The following SCAPER variants were observed in gnomAD, a reference collection of about 807,000 sequenced individuals.
SCAPER encodes the protein S-phase cyclin A associated protein in the ER, also known as S phase cyclin A-associated protein in the endoplasmic reticulum.
SCAPER carries 98 observed loss-of-function variants against 182.2 expected under a neutral mutation model. The observed-to-expected ratio is 0.54, with a 90% CI of 0.46 to 0.64. The LOEUF is 0.64. Among genes scored for constraint, SCAPER ranks in the 30% least tolerant of loss-of-function variants. SCAPER has a pLI of 0.00. For missense variants in SCAPER, 1,432 were observed against 1,690.0 expected (o/e 0.85, Z 2.68); for synonymous variants, 605 against 564.6 (o/e 1.07, Z -1.01).
chr15:76,774,832 A>G, intron 9 of SCAPER, 23 bp downstream of exon 9: 1 of 1,591,176 alleles, frequency 6.3e-7, no homozygotes. Flanking sequence ...AAAGACAGTA[A>G]AAGGATTTTC....
At chr15:76,383,398 A>T (rs1424578634) in intron 27 of SCAPER, among the ~76,000 whole-genome samples, 3 of 152,150 alleles carry the variant, frequency 2.0e-5, no homozygotes, top group Admixed American at 6.5e-5. Flanking sequence ...AAGCAGTTTT[A>T]TTCATAACCA....
At chr15:76,712,625 T>C (rs1329652859) in intron 17 of SCAPER, among the ~76,000 whole-genome samples, 1 of 152,152 alleles carries the variant, frequency 6.6e-6, no homozygotes, top group African/African-American at 2.4e-5. Flanking sequence ...GAGCAGTGGT[T>C]TGCAGTTCTC....
At chr15:76,811,780 C>T (rs769810408) in intron 5 of SCAPER, among the ~76,000 whole-genome samples, 2 of 150,364 alleles carry the variant, frequency 1.3e-5, no homozygotes, top group African/African-American at 2.4e-5. Context: ...AAGAGTGAAA[C>T]TCTGCCTCAA....
At chr15:76,358,726 A>G (rs765834080) in intron 29 of SCAPER, among the ~76,000 whole-genome samples, 1 of 152,236 alleles carries the variant, frequency 6.6e-6, no homozygotes, top group Non-Finnish European at 1.5e-5. Context: ...GGGCTTTAAC[A>G]TATGAATTCT....
chr15:76,896,668 T>C (rs1367350942), intron 1 of SCAPER, among the ~76,000 whole-genome samples: 2 of 151,750 alleles, frequency 1.3e-5, no homozygotes, highest in African/African-American at 4.8e-5. Flanking sequence ...CCTATAATCC[T>C]AGCACTTTGG....
rs150108368 is a variant in SCAPER, at chr15:76,705,935, T to C, written c.2215A>G (p.Met739Val). ...TGAATTTTTTTCTGTAACTCTTCCA[T>C]AGCTTCTTGTTGAGCAGCTGTGAGT... Reference protein sequence around the residue: ...AALTAAQQEAMEELQKKIQLK... With the variant: ...AALTAAQQEAVEELQKKIQLK... Residue 739 changes from methionine to valine, a missense_variant, in exon 18 of 32, where the codon ATG becomes GTG. Met to Val is a conservative substitution (Grantham distance 21). This residue lies in a region of SCAPER where 718 missense variants were observed against 799.7 expected (regional missense o/e 0.90). Transcript: ENST00000563290. The C allele has an allele frequency of 1.0e-4, 163 of 1,563,950 alleles. No individual in the cohort carries two copies. The highest frequency in any genetic ancestry group is 1.4e-4 in the African/African-American group (10 of 74,048).
At chr15:76,812,607 A>G (rs2066722621) in intron 5 of SCAPER, among the ~76,000 whole-genome samples, 1 of 152,104 alleles carries the variant, frequency 6.6e-6, no homozygotes, top group South Asian at 2.1e-4. Flanking sequence ...CGGAAACATA[A>G]AGAGGGACAA....
At chr15:76,818,762 C>T (rs1243940873) in intron 5 of SCAPER, among the ~76,000 whole-genome samples, 1 of 152,224 alleles carries the variant, frequency 6.6e-6, no homozygotes, top group Non-Finnish European at 1.5e-5. Flanking sequence ...GTGCAGCGCA[C>T]CGTGCGTGAG....
rs539250297 is a variant in SCAPER, at chr15:76,714,048, ATTTT to A, written c.2166-8068_2166-8065del. Among the ~76,000 whole-genome samples, 540 of 150,708 alleles carry A rather than the reference ATTTT, an allele frequency of 3.6e-3. 2 individuals carry two copies. The highest frequency in any genetic ancestry group is 6.7e-3 in the South Asian group (32 of 4,782). On this transcript the variant is annotated intron_variant, in intron 17 of 31. Coordinates refer to ENST00000563290, the MANE Select transcript of SCAPER (RefSeq NM_020843.4). ...ACATATACACAAATACTACTCAGCA[ATTTT>A]TTTTTTAAAAGAGCAAGCCACAGAT...
intron 24 of SCAPER, among the ~76,000 whole-genome samples, chr15:76,497,199 C>T (rs1472430960): frequency 6.8e-6 from 1 of 146,402 alleles, no homozygotes; most frequent in Admixed American, 7.2e-5. Context: ...AGAAGTGAAT[C>T]TACATGATTA....
At chr15:76,565,107 G>T (rs2046941074) in intron 23 of SCAPER, among the ~76,000 whole-genome samples, 1 of 152,094 alleles carries the variant, frequency 6.6e-6, no homozygotes, top group Admixed American at 6.6e-5. Flanking sequence ...CACAGGCAAA[G>T]ATCTTATGAT....
chr15:76,766,870 T>A lies in SCAPER; in HGVS notation c.1419+48A>T. The A allele has an allele frequency of 2.0e-6, 3 of 1,512,100 alleles. No homozygotes were observed. In the East Asian group the frequency reaches 6.9e-5, roughly 35 times the overall value. The allele number at this position is 1,512,100 out of a possible 1,614,324, so 93.7% of individuals were successfully genotyped here. A position where few individuals can be genotyped will look rare whatever the true frequency, so the allele number is the denominator to read the frequency against. On this transcript the variant is annotated intron_variant, in intron 11 of 31. Coordinates refer to ENST00000563290, the MANE Select transcript of SCAPER (RefSeq NM_020843.4). ...TCTTTCTGGCCCAGATAATTTTGTTTCTAAATATAAATTTTGAATAGTTAT... is the reference window on the plus strand; with the variant it reads ...TCTTTCTGGCCCAGATAATTTTGTTACTAAATATAAATTTTGAATAGTTAT...
At chr15:76,578,071 CA>C (rs1215749320) in intron 22 of SCAPER, among the ~76,000 whole-genome samples, 1 of 151,602 alleles carries the variant, frequency 6.6e-6, no homozygotes, top group African/African-American at 2.4e-5. Flanking sequence ...AGGCAGTACT[CA>C]CCATAGGCCT....
intron 20 of SCAPER, among the ~76,000 whole-genome samples, chr15:76,690,125 A>T (rs968731092): frequency 2.0e-5 from 3 of 152,182 alleles, no homozygotes; most frequent in African/African-American, 7.2e-5. Flanking sequence ...ACAGTGAAGA[A>T]ACATTGCAAA....
intron 23 of SCAPER, among the ~76,000 whole-genome samples, chr15:76,547,751 T>C (rs1425750229): frequency 3.3e-5 from 5 of 152,176 alleles, no homozygotes; most frequent in African/African-American, 1.2e-4. Flanking sequence ...TATACACATA[T>C]GCATACACAG....
At chr15:76,484,759 C>T (rs2051458729) in intron 24 of SCAPER, among the ~76,000 whole-genome samples, 1 of 152,090 alleles carries the variant, frequency 6.6e-6, no homozygotes, top group Admixed American at 6.6e-5. Context: ...TCAACGTAAG[C>T]ATATCAATAA....
chr15:76,550,327 A>G (rs1283177625), intron 23 of SCAPER, among the ~76,000 whole-genome samples: 1 of 152,066 alleles, frequency 6.6e-6, no homozygotes, highest in African/African-American at 2.4e-5. Flanking sequence ...TGCATTAGCT[A>G]TTTATCCTGA....
chr15:76,690,515 T>A (rs1270014288), intron 20 of SCAPER, among the ~76,000 whole-genome samples: 2 of 152,198 alleles, frequency 1.3e-5, no homozygotes, highest in Non-Finnish European at 2.9e-5. Flanking sequence ...TGTTTAGTTA[T>A]ATTAATGTAC....
At chr15:76,450,238 T>G (rs145934166) in intron 25 of SCAPER, among the ~76,000 whole-genome samples, 65 of 152,310 alleles carry the variant, frequency 4.3e-4, no homozygotes, top group African/African-American at 1.4e-3. Context: ...GTGAATTAAA[T>G]TACGTTCACT....
Sources: allele counts gnomAD v4.1 joint callset (sites outside exome capture counted in the v4.1 genomes callset), GRCh38; gene constraint gnomAD v4.1.1; regional missense constraint gnomAD v4.1.1; transcripts MANE v1.5; gene names NCBI Gene and HGNC (gene_info 2026-07-23, HGNC 2026-07-21).